KAT8: variants seen among roughly 807,000 people sequenced by gnomAD.
KAT8 encodes lysine acetyltransferase 8.
In KAT8, 40 loss-of-function variants were observed where a neutral mutation model predicts 62.9. The ratio of observed to expected loss-of-function variants is 0.64; its 90% CI spans 0.49 to 0.83. The LOEUF (loss-of-function observed/expected upper bound fraction) is 0.83. Ranked by LOEUF, KAT8 falls within the 40% of genes least tolerant of loss-of-function variation. The pLI is 0.00. For missense variants in KAT8, 387 were observed against 614.8 expected, an observed-to-expected ratio of 0.63 and a Z score of 3.92; for synonymous variants, 278 against 254.5, an observed-to-expected ratio of 1.09 and a Z score of -0.88.
Position 31,128,047 on chromosome 16 carries a change from CA to C in KAT8, c.682-2del, listed in dbSNP as rs1567436566. 2 of 1,613,458 alleles carry C rather than the reference CA, an allele frequency of 1.2e-6. No individual in the cohort carries two copies. Among genetic ancestry groups the C allele is most frequent in the African/African-American group, 2.7e-5 (2 of 75,050 alleles). On this transcript the variant is annotated splice_acceptor_variant, in intron 5 of 10. Transcript: ENST00000219797. LOFTEE classifies it high-confidence loss of function. ...GCGAACCTGTTCTCTTGTCCCCGAC[CA>C]GGGTCAGTGCCAGTGGCGGCAGCCC...
chr16:31,130,175 TCGGGG>T lies in KAT8; in HGVS notation c.912+19_912+23del. On this transcript the variant is annotated intron_variant, in intron 7 of 10. Transcript: ENST00000219797. The stretch of plus-strand genomic sequence containing the variant: ...TCTCCAAGGTGCTGGGTCTGGAAAC[TCGGGG>T]TGGGGAGGGTGGGGAGGGCGAAGGT... 1 of 436,144 alleles carries T rather than the reference TCGGGG, an allele frequency of 2.3e-6. No homozygotes were observed. Among genetic ancestry groups the T allele is most frequent in the Non-Finnish European group, 4.7e-6 (1 of 212,118 alleles). The allele number at this position is 436,144 out of a possible 1,614,324, so 27.0% of individuals were successfully genotyped here. A position where few individuals can be genotyped will look rare whatever the true frequency, so the allele number is the denominator to read the frequency against.
intron 1 of KAT8, chr16:31,118,135 G>T (rs1472303780): frequency 1.5e-5 from 6 of 391,112 alleles, no homozygotes; most frequent in Non-Finnish European, 2.3e-5. Context: ...GCCTTCACCA[G>T]GATTGTTCCC....
intron 3 of KAT8, chr16:31,123,541 C>CT (rs1555503591): frequency 2.6e-5 from 4 of 151,938 alleles, no homozygotes; most frequent in Middle Eastern, 3.5e-3. Context: ...GAGTCTCACT[C>CT]TGTCACCTAG....
intron 3 of KAT8, among the ~76,000 whole-genome samples, chr16:31,121,294 T>A (rs1397657727): frequency 2.0e-5 from 3 of 152,034 alleles, no homozygotes; most frequent in African/African-American, 4.8e-5. Flanking sequence ...ATAATTTTTG[T>A]ATTTTTAGTA....
intron 5 of KAT8, 31 bp downstream of exon 5, chr16:31,127,384 C>T: frequency 6.2e-7 from 1 of 1,611,492 alleles, no homozygotes; most frequent in Non-Finnish European, 8.5e-7. Context: ...CCGAGCTGGG[C>T]AGGGGCCCGG....
chr16:31,125,920 C>T (rs545213896), intron 3 of KAT8: 1 of 152,236 alleles, frequency 6.6e-6, no homozygotes, highest in African/African-American at 2.4e-5. Context: ...ATAGAGGAAC[C>T]CAGGTGGGCA....
intron 6 of KAT8, 63 bp from the exon 7 acceptor site, chr16:31,129,954 G>A: frequency 6.3e-7 from 1 of 1,584,598 alleles, no homozygotes; most frequent in Non-Finnish European, 8.6e-7. Context: ...GCCGGCCGCT[G>A]GAACCAGCTG....
intron 1 of KAT8, among the ~76,000 whole-genome samples, chr16:31,119,135 G>T (rs1444630505): frequency 7.9e-5 from 12 of 151,986 alleles, no homozygotes; most frequent in Admixed American, 7.9e-4. Flanking sequence ...GTAGGGAGCT[G>T]GAATTTTGTG....
intron 1 of KAT8, among the ~76,000 whole-genome samples, chr16:31,118,927 A>G (rs1275079128): frequency 1.5e-5 from 2 of 132,204 alleles, no homozygotes; most frequent in Admixed American, 1.8e-4. Context: ...TCTGTCACCC[A>G]GGTGGGATTG....
At chr16:31,129,942 G>C (rs1471869192) in intron 6 of KAT8, 75 bp from the exon 7 acceptor site, 5 of 1,556,892 alleles carry the variant, frequency 3.2e-6, no homozygotes, top group Non-Finnish European at 4.4e-6. Context: ...GCGTGGGCTG[G>C]TGCCGGCCGC....
At chr16:31,118,131 A>G (rs2057464413) in intron 1 of KAT8, 1 of 393,464 alleles carries the variant, frequency 2.5e-6, no homozygotes, top group Non-Finnish European at 4.5e-6. Flanking sequence ...TCAGGCCTTC[A>G]CCAGGATTGT....
intron 1 of KAT8, 38 bp downstream of exon 1, chr16:31,117,930 T>G (rs1021641152): frequency 9.0e-6 from 8 of 890,124 alleles, no homozygotes; most frequent in East Asian, 3.5e-5. Context: ...GGGGCGGAGC[T>G]CAGGGCCAGG....
rs1471315543 is a variant in KAT8 at position 31,130,134 on chromosome 16, C to T, written c.889C>T (p.His297Tyr). 1 of 1,545,410 alleles carries T rather than the reference C, an allele frequency of 6.5e-7. No individual in the cohort carries two copies. The highest frequency in any genetic ancestry group is 1.8e-5 in the Admixed American group (1 of 56,784). ...GACTGAGGTGGACCGGCAGGGGGCC[C>T]ACATTGTTGGCTACTTCTCCAAGGT... ...ILTEVDRQGA[H>Y]IVGYFSKEKE... The change falls in exon 7 of 11, where the codon CAC becomes TAC. Residue 297 changes from histidine to tyrosine, a missense_variant. Physicochemically the swap from His to Tyr is moderately conservative, Grantham distance 83. Around this residue, in one of 6 missense-constraint regions of KAT8, gnomAD observed 141 missense variants for 222.5 expected, o/e 0.63. Transcript: ENST00000219797.
Position 31,130,463 on chromosome 16 carries a change from G to A in KAT8, c.1014G>A (p.Glu338=), listed in dbSNP as rs2057569127. ...TCTTTCTACTGCTGCCAGGTTATGAGCTCTCCAAGCTGGAGAGCACAGTCG... is the reference window on the plus strand; with the variant it reads ...TCTTTCTACTGCTGCCAGGTTATGAACTCTCCAAGCTGGAGAGCACAGTCG... ...YGKFLIAFSY[E]LSKLESTVGS... The change falls in exon 9 of 11, where the codon GAG becomes GAA. Residue 338 remains glutamate, a synonymous_variant. Transcript: ENST00000219797. The A allele has an allele frequency of 1.9e-6, 3 of 1,614,178 alleles. No individual in the cohort carries two copies. The highest frequency in any genetic ancestry group is 1.7e-6 in the Non-Finnish European group (2 of 1,180,016).
intron 1 of KAT8, among the ~76,000 whole-genome samples, chr16:31,119,731 C>T (rs550371267): frequency 5.9e-5 from 9 of 152,026 alleles, no homozygotes; most frequent in South Asian, 2.1e-4. Flanking sequence ...CTCTGCCTCC[C>T]GGGTTCAAGC....
intron 6 of KAT8, among the ~76,000 whole-genome samples, chr16:31,128,869 T>C (rs1003070390): frequency 1.3e-5 from 2 of 152,224 alleles, no homozygotes; most frequent in African/African-American, 2.4e-5. Context: ...GCAGGGCAGG[T>C]TGGGGCCTTT....
At chr16:31,119,815 A>G (rs932992395) in intron 1 of KAT8, among the ~76,000 whole-genome samples, 2 of 149,896 alleles carry the variant, frequency 1.3e-5, no homozygotes, top group African/African-American at 4.9e-5. Context: ...AGTTGGGATT[A>G]CAGGTGTGTG....
At chr16:31,129,739 G>T (rs938725091) in intron 6 of KAT8, among the ~76,000 whole-genome samples, 1 of 152,236 alleles carries the variant, frequency 6.6e-6, no homozygotes, top group African/African-American at 2.4e-5. Flanking sequence ...TGTCTGTGAA[G>T]ACTGAAGCAG....
intron 3 of KAT8, chr16:31,125,584 A>G (rs576240279): frequency 6.8e-6 from 1 of 147,200 alleles, no homozygotes; most frequent in African/African-American, 2.6e-5. Flanking sequence ...AGCCTGAGCA[A>G]CAGAGTGAGA....
Sources: gnomAD v4.1 joint callset for allele counts (sites outside exome capture counted in the v4.1 genomes callset) on GRCh38, gnomAD v4.1.1 for gene constraint, gnomAD v4.1.1 regional missense constraint, MANE v1.5 for transcripts, NCBI Gene and HGNC (gene_info 2026-07-23, HGNC 2026-07-21) for gene names.